Variants in NRXN1 observed in about 807,000 individuals in gnomAD.
The protein encoded by NRXN1 is neurexin 1.
NRXN1 carries 39 observed loss-of-function variants against 150.9 expected under a neutral mutation model. The ratio of observed to expected loss-of-function variants is 0.26; its 90% confidence interval spans 0.20 to 0.34. The LOEUF is 0.34. Ranked by LOEUF, NRXN1 falls within the 10% of genes least tolerant of loss-of-function variation. The pLI is 1.00. For synonymous variants in NRXN1, 924 were observed against 757.0 expected (o/e 1.22, Z -3.62); for missense variants, 1,815 against 1,949.9 (o/e 0.93, Z 1.30).
At chr2:50,083,546 A>AT (rs1400883458) in intron 19 of NRXN1, among the ~76,000 whole-genome samples, 1 of 152,180 alleles carries the variant, frequency 6.6e-6, no homozygotes. Context: ...CAGCAGCAAG[A>AT]TTTATTGCAA....
intron 17 of NRXN1, among the ~76,000 whole-genome samples, chr2:50,240,677 T>A (rs2065923682): frequency 6.6e-6 from 1 of 151,752 alleles, no homozygotes; most frequent in Admixed American, 6.6e-5. Context: ...AAATTCCAAC[T>A]GTGTCATTTA....
intron 5 of NRXN1, among the ~76,000 whole-genome samples, chr2:50,756,367 T>C (rs1559216722): frequency 6.6e-6 from 1 of 151,518 alleles, no homozygotes; most frequent in African/African-American, 2.4e-5. Flanking sequence ...AGAAATTATG[T>C]TCATTCAGTA....
At position 50,892,096 on chromosome 2, in the gene NRXN1, T is replaced by C. The variant is rs142703344; in HGVS notation, c.832+29773A>G. Among the ~76,000 whole-genome samples the C allele has an allele frequency of 5.6e-3, 845 of 152,252 alleles. 2 individuals are homozygous for C. The highest frequency in any genetic ancestry group is 0.013 in the Admixed American group (199 of 15,278). On this transcript the variant is annotated intron_variant, in intron 5 of 22. Transcript: ENST00000401669. Reference sequence around the variant, plus strand: ...GGAAAGAGGATAGTTCTGAAGCCTTTATTTCAGATCAGATGGAGACAGACT... The same window carrying C: ...GGAAAGAGGATAGTTCTGAAGCCTTCATTTCAGATCAGATGGAGACAGACT...
intron 8 of NRXN1, among the ~76,000 whole-genome samples, chr2:50,589,771 C>T (rs1490501719): frequency 6.6e-6 from 1 of 150,580 alleles, no homozygotes; most frequent in Non-Finnish European, 1.5e-5. Context: ...CTGTGTCTTG[C>T]CCAAGGTCAG....
At chr2:50,568,092 A>G (rs139176744) in intron 8 of NRXN1, among the ~76,000 whole-genome samples, 310 of 152,258 alleles carry the variant, frequency 2.0e-3, no homozygotes, top group African/African-American at 7.1e-3. Context: ...GTTCCTAACC[A>G]TATTATAGAA....
chr2:51,025,943 T>C (rs527374561), intron 2 of NRXN1, among the ~76,000 whole-genome samples: 358 of 152,198 alleles, frequency 2.4e-3, no homozygotes, highest in African/African-American at 8.3e-3. Flanking sequence ...CGCAACAAAA[T>C]AGCCCTTTCT....
chr2:50,535,426 G>A (rs1052762656), intron 10 of NRXN1, among the ~76,000 whole-genome samples: 1 of 152,224 alleles, frequency 6.6e-6, no homozygotes, highest in African/African-American at 2.4e-5. Context: ...CCGAAAGGCA[G>A]TCACATATTG....
intron 5 of NRXN1, among the ~76,000 whole-genome samples, chr2:50,858,526 G>A (rs1017366237): frequency 6.6e-6 from 1 of 151,822 alleles, no homozygotes; most frequent in African/African-American, 2.4e-5. Context: ...ATAATTGCCT[G>A]GGAAATAAAG....
intron 17 of NRXN1, among the ~76,000 whole-genome samples, chr2:50,451,601 T>C (rs11901106): frequency 0.18 from 26,803 of 152,114 alleles, 4,042 homozygotes; most frequent in East Asian, 0.53. Flanking sequence ...AATCTACATA[T>C]ATTAATCTAC....
intron 17 of NRXN1, among the ~76,000 whole-genome samples, chr2:50,267,292 G>C (rs956104440): frequency 6.6e-6 from 1 of 152,184 alleles, no homozygotes; most frequent in Admixed American, 6.5e-5. Flanking sequence ...TTTGAAGAAA[G>C]TAAGCTGTAT....
Position 51,028,402 on chromosome 2 carries a change from G to A in NRXN1, c.-129C>T. The A allele has an allele frequency of 1.8e-6, 1 of 554,178 alleles. No homozygotes were observed. The allele number at this position is 554,178 out of a possible 1,614,324, so 34.3% of individuals were successfully genotyped here. A position where few individuals can be genotyped will look rare whatever the true frequency, so the allele number is the denominator to read the frequency against. ...GGGGAAAGGCGGGAGTGAGAGGGAT[G>A]TGCCCTCCTTTATCTAGTTCTTTTT... On this transcript the variant is annotated 5_prime_UTR_variant, in exon 2 of 23. Transcript: ENST00000401669.
chr2:50,732,313 T>C (rs1344302479), intron 5 of NRXN1, among the ~76,000 whole-genome samples: 1 of 152,130 alleles, frequency 6.6e-6, no homozygotes, highest in African/African-American at 2.4e-5. Flanking sequence ...GAATGTACTG[T>C]TCCCAACTCA....
intron 19 of NRXN1, among the ~76,000 whole-genome samples, chr2:50,088,497 A>G (rs1455328240): frequency 1.3e-5 from 2 of 152,148 alleles, no homozygotes; most frequent in Non-Finnish European, 2.9e-5. Flanking sequence ...CTTCAGAATA[A>G]TTGCAACTTT....
intron 8 of NRXN1, among the ~76,000 whole-genome samples, chr2:50,581,706 T>A (rs1558969143): frequency 6.6e-6 from 1 of 152,066 alleles, no homozygotes; most frequent in African/African-American, 2.4e-5. Flanking sequence ...GTCTTTGGAG[T>A]CTTTTGAGAG....
chr2:51,015,320 G>C (rs1275417030), intron 2 of NRXN1, among the ~76,000 whole-genome samples: 7 of 151,962 alleles, frequency 4.6e-5, no homozygotes, highest in African/African-American at 1.7e-4. Flanking sequence ...GCTTCCCTGA[G>C]GCTTGAGCAT....
At chr2:50,682,966 A>G (rs931570201) in intron 5 of NRXN1, among the ~76,000 whole-genome samples, 1 of 152,110 alleles carries the variant, frequency 6.6e-6, no homozygotes, top group African/African-American at 2.4e-5. Flanking sequence ...ATATAGGTCT[A>G]TACACAAATA....
At chr2:50,550,668 T>C (rs1209776058) in intron 9 of NRXN1, among the ~76,000 whole-genome samples, 1 of 150,058 alleles carries the variant, frequency 6.7e-6, no homozygotes, top group Admixed American at 6.6e-5. Context: ...TCTCAGCTTA[T>C]TTTTATTTTT....
chr2:49,988,479 T>G (rs1175458468), intron 21 of NRXN1, among the ~76,000 whole-genome samples: 1 of 152,108 alleles, frequency 6.6e-6, no homozygotes, highest in Admixed American at 6.6e-5. Context: ...TGTCTTTTGC[T>G]TTCAGAAGAG....
intron 18 of NRXN1, among the ~76,000 whole-genome samples, chr2:50,124,658 A>C (rs535983174): frequency 6.6e-6 from 1 of 152,174 alleles, no homozygotes; most frequent in East Asian, 1.9e-4. Flanking sequence ...ACCCCTGACA[A>C]TCATTCATCA....
Sources: gnomAD v4.1 joint callset for allele counts (sites outside exome capture counted in the v4.1 genomes callset) on GRCh38, gnomAD v4.1.1 for gene constraint, MANE v1.5 for transcripts, NCBI Gene and HGNC (gene_info 2026-07-23, HGNC 2026-07-21) for gene names.